The following BNC2 variants were observed in gnomAD, a reference collection of about 807,000 sequenced individuals.
The protein encoded by BNC2 is zinc finger protein basonuclin-2.
Under a neutral mutation model 76.3 loss-of-function variants are expected in BNC2, and 20 were observed. The ratio of observed to expected loss-of-function variants is 0.26; its 90% CI spans 0.18 to 0.38. The LOEUF is 0.38. Ranked by LOEUF, BNC2 falls within the 10% of genes least tolerant of loss-of-function variation. BNC2 has a pLI of 1.00. For synonymous variants in BNC2, 582 were observed against 514.8 expected, an observed-to-expected ratio of 1.13 and a Z score of -1.77; for missense variants, 1,382 against 1,399.8, an observed-to-expected ratio of 0.99 and a Z score of 0.20.
At chr9:16,634,283 G>A (rs1048368433) in intron 3 of BNC2, among the ~76,000 whole-genome samples, 1 of 151,930 alleles carries the variant, frequency 6.6e-6, no homozygotes, top group Admixed American at 6.6e-5. Context: ...ATTAAGTTCT[G>A]AGCTTGCTTT....
At chr9:16,679,866 T>A (rs1822770589) in intron 3 of BNC2, among the ~76,000 whole-genome samples, 1 of 152,246 alleles carries the variant, frequency 6.6e-6, no homozygotes, top group Non-Finnish European at 1.5e-5. Context: ...AAGGGCTCTT[T>A]GCCTCCACCT....
At chr9:16,577,512 A>G (rs1819519511) in intron 4 of BNC2, among the ~76,000 whole-genome samples, 1 of 152,168 alleles carries the variant, frequency 6.6e-6, no homozygotes, top group Non-Finnish European at 1.5e-5. Context: ...TACCTGGCAC[A>G]ATCCTTCATG....
At chr9:16,530,831 G>C (rs1201490838) in intron 5 of BNC2, among the ~76,000 whole-genome samples, 21 of 152,216 alleles carry the variant, frequency 1.4e-4, no homozygotes, top group Admixed American at 1.4e-3. Flanking sequence ...CGAGGCATGA[G>C]GAGATGCAGG....
chr9:16,747,646 T>G (rs1825050855), intron 1 of BNC2, among the ~76,000 whole-genome samples: 1 of 152,212 alleles, frequency 6.6e-6, no homozygotes, highest in Admixed American at 6.5e-5. Flanking sequence ...AAATATGTGC[T>G]CATCCAAATA....
At chr9:16,469,064 A>G (rs1172806853) in intron 5 of BNC2, among the ~76,000 whole-genome samples, 3 of 152,252 alleles carry the variant, frequency 2.0e-5, no homozygotes, top group Non-Finnish European at 4.4e-5. Context: ...ATGGAACATT[A>G]TACTTTATAC....
At position 16,659,373 on chromosome 9, in the gene BNC2, G is replaced by A. The variant is rs145793506; in HGVS notation, c.330+68424C>T. ...ACGCGTAATCACAGCACTTTGGGGG[G>A]CCGAGGTGGGCAGATCAGGAGGTCA... is the stretch of plus-strand genomic sequence containing the variant. On this transcript the variant is annotated intron_variant, in intron 3 of 6. Transcript: ENST00000380672. Among the ~76,000 whole-genome samples, 1,453 of 152,172 alleles carry A rather than the reference G, an allele frequency of 9.5e-3. 8 individuals carry two copies. Among genetic ancestry groups the A allele is most frequent in the Non-Finnish European group, 0.015 (1,029 of 67,998 alleles).
chr9:16,638,008 G>T, intron 3 of BNC2, among the ~76,000 whole-genome samples: 1 of 152,158 alleles, frequency 6.6e-6, no homozygotes, highest in East Asian at 1.9e-4. Flanking sequence ...GGACATCATA[G>T]GCAACTATAA....
intron 4 of BNC2, among the ~76,000 whole-genome samples, chr9:16,574,002 T>C (rs1001063402): frequency 1.8e-4 from 27 of 152,128 alleles, no homozygotes; most frequent in Non-Finnish European, 2.9e-4. Context: ...GAGTTAGAAG[T>C]CACCATTTAT....
At chr9:16,546,927 TA>T (rs1587154560) in intron 5 of BNC2, among the ~76,000 whole-genome samples, 1 of 152,238 alleles carries the variant, frequency 6.6e-6, no homozygotes, top group Admixed American at 6.5e-5. Context: ...TTCCAATATT[TA>T]ATACACCCTT....
At chr9:16,580,599 T>A (rs571324016) in intron 4 of BNC2, among the ~76,000 whole-genome samples, 19 of 152,272 alleles carry the variant, frequency 1.2e-4, no homozygotes, top group African/African-American at 4.3e-4. Flanking sequence ...TGCTTTTTCC[T>A]TTACATTACT....
chr9:16,760,435 C>G (rs894388872), intron 1 of BNC2, among the ~76,000 whole-genome samples: 4 of 152,092 alleles, frequency 2.6e-5, no homozygotes, highest in Non-Finnish European at 5.9e-5. Flanking sequence ...CAGACAAAAT[C>G]TTATTCTTAG....
chr9:16,554,404 G>A (rs1454090238), intron 4 of BNC2, among the ~76,000 whole-genome samples: 2 of 152,022 alleles, frequency 1.3e-5, no homozygotes, highest in South Asian at 2.1e-4. Flanking sequence ...TCATTTACCC[G>A]CTGGCTTCAT....
chr9:16,441,447 T>C (rs1337335152), intron 5 of BNC2, among the ~76,000 whole-genome samples: 1 of 152,244 alleles, frequency 6.6e-6, no homozygotes, highest in Non-Finnish European at 1.5e-5. Context: ...GCAGTTTTAC[T>C]GTATCTTTGA....
chr9:16,867,556 A>G (rs1288785029), intron 1 of BNC2: 1 of 152,204 alleles, frequency 6.6e-6, no homozygotes, highest in Non-Finnish European at 1.5e-5. Context: ...CTTAAGGAAT[A>G]TTTAAAACCG....
intron 1 of BNC2, among the ~76,000 whole-genome samples, chr9:16,780,012 G>T (rs531272735): frequency 2.7e-5 from 4 of 147,580 alleles, no homozygotes; most frequent in Non-Finnish European, 6.0e-5. Context: ...CGAGGCGGGC[G>T]GATCACAAGG....
At chr9:16,746,552 C>T (rs1825012264) in intron 1 of BNC2, among the ~76,000 whole-genome samples, 1 of 151,696 alleles carries the variant, frequency 6.6e-6, no homozygotes, top group Non-Finnish European at 1.5e-5. Context: ...TTAGTAGAGA[C>T]AGGGTTTCAC....
chr9:16,759,368 G>A (rs887956006), intron 1 of BNC2, among the ~76,000 whole-genome samples: 1 of 152,086 alleles, frequency 6.6e-6, no homozygotes, highest in Non-Finnish European at 1.5e-5. Context: ...GGACTTTAAT[G>A]GAAAGTATGG....
intron 3 of BNC2, among the ~76,000 whole-genome samples, chr9:16,718,422 A>G (rs1331028014): frequency 2.0e-5 from 3 of 152,224 alleles, no homozygotes; most frequent in African/African-American, 7.2e-5. Context: ...AGGACTGGTA[A>G]CATATTTTAA....
chr9:16,867,261 T>C (rs951963248), intron 1 of BNC2: 7 of 152,216 alleles, frequency 4.6e-5, no homozygotes, highest in South Asian at 4.1e-4. Flanking sequence ...GTGGGGTTTA[T>C]ATAAAACAAA....
Sources: gnomAD v4.1 joint callset for allele counts (sites outside exome capture counted in the v4.1 genomes callset) on GRCh38, gnomAD v4.1.1 for gene constraint, MANE v1.5 for transcripts, NCBI Gene and HGNC (gene_info 2026-07-23, HGNC 2026-07-21) for gene names.